Variants in AGBL4 observed in about 807,000 individuals in gnomAD.
AGBL4 encodes the protein cytosolic carboxypeptidase 6.
In AGBL4, 58 loss-of-function variants were observed where a neutral mutation model predicts 66.4. The observed-to-expected ratio is 0.87, with a 90% confidence interval of 0.71 to 1.09. The LOEUF (loss-of-function observed/expected upper bound fraction) is 1.09. Among genes scored for constraint, AGBL4 ranks in the 50% least tolerant of loss-of-function variants. The pLI is 0.00. For synonymous variants in AGBL4, 234 were observed against 222.9 expected (o/e 1.05, Z -0.44); for missense variants, 579 against 631.0 (o/e 0.92, Z 0.88).
At chr1:48,813,167 T>C (rs12080187) in intron 6 of AGBL4, among the ~76,000 whole-genome samples, 10,605 of 152,080 alleles carry the variant, frequency 0.07, 501 homozygotes, top group East Asian at 0.17. Context: ...AAGGGGGCTG[T>C]TGAAACACAG....
intron 2 of AGBL4, among the ~76,000 whole-genome samples, chr1:49,703,856 T>C (rs1362574816): frequency 1.3e-5 from 2 of 151,954 alleles, no homozygotes; most frequent in African/African-American, 4.8e-5. Flanking sequence ...CATAACTACT[T>C]GAGCCAATAA....
intron 2 of AGBL4, among the ~76,000 whole-genome samples, chr1:49,801,031 T>A (rs1644848672): frequency 6.6e-6 from 1 of 151,710 alleles, no homozygotes; most frequent in African/African-American, 2.4e-5. Context: ...GCACCTGTTG[T>A]TTCCTGACTT....
chr1:49,073,308 C>T (rs1157609690), intron 4 of AGBL4, among the ~76,000 whole-genome samples: 4 of 152,160 alleles, frequency 2.6e-5, no homozygotes, highest in Non-Finnish European at 5.9e-5. Context: ...AGTTGTGATC[C>T]TTTGGAGGAG....
chr1:48,862,120 C>G (rs1403208655), intron 6 of AGBL4, among the ~76,000 whole-genome samples: 1 of 152,096 alleles, frequency 6.6e-6, no homozygotes, highest in Non-Finnish European at 1.5e-5. Context: ...AACTCAAAGT[C>G]CCACTATAAA....
chr1:49,695,423 T>G (rs1056744587), intron 3 of AGBL4, among the ~76,000 whole-genome samples: 7 of 152,164 alleles, frequency 4.6e-5, no homozygotes, highest in Admixed American at 2.6e-4. Flanking sequence ...GTGGATTATA[T>G]TCTCTAGATT....
At chr1:49,284,741 C>G (rs1023467736) in intron 3 of AGBL4, among the ~76,000 whole-genome samples, 67 of 151,658 alleles carry the variant, frequency 4.4e-4, no homozygotes, top group East Asian at 1.5e-3. Flanking sequence ...TGATAAAACA[C>G]ACTTTAAACC....
At chr1:49,188,151 C>A (rs1167275832) in intron 4 of AGBL4, among the ~76,000 whole-genome samples, 2 of 152,088 alleles carry the variant, frequency 1.3e-5, no homozygotes, top group Non-Finnish European at 2.9e-5. Flanking sequence ...ATTGCCCAGT[C>A]TCAGGTATGT....
At chr1:49,699,272 T>G (rs1647043302) in intron 2 of AGBL4, among the ~76,000 whole-genome samples, 1 of 152,110 alleles carries the variant, frequency 6.6e-6, no homozygotes, top group African/African-American at 2.4e-5. Context: ...CTTCTGCAAC[T>G]ACTCTGTTGA....
At chr1:49,920,332 T>C (rs988426603) in intron 1 of AGBL4, among the ~76,000 whole-genome samples, 3 of 152,178 alleles carry the variant, frequency 2.0e-5, no homozygotes, top group Non-Finnish European at 4.4e-5. Context: ...ATTTTTGCAA[T>C]CTACTCATCT....
intron 4 of AGBL4, among the ~76,000 whole-genome samples, chr1:49,096,390 G>A (rs1394976757): frequency 5.3e-5 from 8 of 151,854 alleles, no homozygotes; most frequent in Non-Finnish European, 1.0e-4. Flanking sequence ...ACATGCACAC[G>A]TATGTTTATT....
intron 11 of AGBL4, among the ~76,000 whole-genome samples, chr1:48,546,864 A>ACACACACACACACACAC (rs1553185398): frequency 1.6e-5 from 2 of 128,382 alleles, no homozygotes; most frequent in African/African-American, 2.9e-5. Flanking sequence ...AAAACAAACA[A>ACACACACACACACACAC]ACACACACAC....
At chr1:49,229,423 C>T (rs2148293540) in intron 4 of AGBL4, among the ~76,000 whole-genome samples, 1 of 152,152 alleles carries the variant, frequency 6.6e-6, no homozygotes, top group South Asian at 2.1e-4. Context: ...GAAAGGTTGC[C>T]AACATAGTCT....
chr1:49,282,645 C>T (rs977416467), intron 3 of AGBL4, among the ~76,000 whole-genome samples: 3 of 152,088 alleles, frequency 2.0e-5, no homozygotes, highest in Admixed American at 6.5e-5. Context: ...AGACAGTGGG[C>T]GCAGGTCAGT....
intron 2 of AGBL4, among the ~76,000 whole-genome samples, chr1:49,739,742 A>T (rs960895987): frequency 1.3e-5 from 2 of 152,240 alleles, no homozygotes; most frequent in Admixed American, 1.3e-4. Flanking sequence ...AGTGGGGGCC[A>T]ATATTCAACA....
intron 3 of AGBL4, among the ~76,000 whole-genome samples, chr1:49,445,521 G>C (rs538719460): frequency 7.9e-5 from 12 of 152,012 alleles, no homozygotes; most frequent in East Asian, 5.8e-4. Flanking sequence ...TATCACAAAG[G>C]CTTCCTCATT....
intron 1 of AGBL4, among the ~76,000 whole-genome samples, chr1:49,865,088 G>A (rs534300306): frequency 3.3e-5 from 5 of 152,272 alleles, no homozygotes; most frequent in South Asian, 2.1e-4. Context: ...AGGGGTTTAC[G>A]GACAAAACTC....
In AGBL4 at chr1:49,229,272, G is replaced by A. The variant is rs956406888; in HGVS notation, c.377+16498C>T. Among the ~76,000 whole-genome samples the A allele has an allele frequency of 4.1e-4, 62 of 152,310 alleles. 1 individual carries two copies. The highest frequency in any genetic ancestry group is 1.4e-3 in the African/African-American group (58 of 41,580). ...GATTCCTTTTAGACTGTAAGCCACAGATATATGATTTATTCAATGTCTACA... is the reference window on the plus strand; with the variant it reads ...GATTCCTTTTAGACTGTAAGCCACAAATATATGATTTATTCAATGTCTACA... On this transcript the variant is annotated intron_variant, in intron 4 of 13. Transcript: ENST00000371839.
chr1:49,159,394 A>G (rs774976615), intron 4 of AGBL4, among the ~76,000 whole-genome samples: 18 of 151,926 alleles, frequency 1.2e-4, no homozygotes, highest in Non-Finnish European at 2.4e-4. Flanking sequence ...ATTGGCCCGC[A>G]CTCTCTTCTG....
chr1:49,946,533 CA>C (rs764587266), intron 1 of AGBL4, among the ~76,000 whole-genome samples: 96 of 152,042 alleles, frequency 6.3e-4, no homozygotes, highest in Non-Finnish European at 8.8e-4. Context: ...CACATCCTAT[CA>C]AAACCTCTGG....
Sources: allele counts gnomAD v4.1 joint callset (sites outside exome capture counted in the v4.1 genomes callset), GRCh38; gene constraint gnomAD v4.1.1; transcripts MANE v1.5; gene names NCBI Gene and HGNC (gene_info 2026-07-23, HGNC 2026-07-21).